NDUFAF8: variants seen among roughly 807,000 people sequenced by gnomAD.
NDUFAF8 encodes NADH:ubiquinone oxidoreductase complex assembly factor 8.
In NDUFAF8, 9 loss-of-function variants were observed where a neutral mutation model predicts 9.9. The ratio of observed to expected loss-of-function variants is 0.91; its 90% confidence interval spans 0.55 to 1.59. The LOEUF (loss-of-function observed/expected upper bound fraction) is 1.59, where lower values mean the gene tolerates loss of function less well. Ranked by LOEUF, NDUFAF8 falls within the 40% of genes most tolerant of loss-of-function variation. The probability of loss-of-function intolerance (pLI) is 0.00; values close to 1 mark genes in which losing one functional copy is unlikely to be tolerated. For synonymous variants in NDUFAF8, 63 were observed against 51.2 expected (o/e 1.23, Z -0.98); for missense variants, 114 against 113.8 (o/e 1.00, Z -0.01).
Position 81,239,669 on chromosome 17 carries a change from C to T in NDUFAF8, c.186C>T (p.Phe62=), listed in dbSNP as rs2062793315. 7 of 1,538,896 alleles carry T rather than the reference C, an allele frequency of 4.5e-6. No homozygotes were observed. Among genetic ancestry groups the T allele is most frequent in the South Asian group, 2.4e-5 (2 of 84,004 alleles). The part of the protein sequence containing the change: ...AREFEALRSC[F]AAAAKKTLEG... ...AGTTCGAGGCCCTGCGGAGCTGCTTCGCCGCTGCGGTAGGTGGGCGCGGGC... is the reference window on the plus strand; with the variant it reads ...AGTTCGAGGCCCTGCGGAGCTGCTTTGCCGCTGCGGTAGGTGGGCGCGGGC... Residue 62 remains phenylalanine, a synonymous_variant, in exon 2 of 3, where the codon TTC becomes TTT. Coordinates refer to ENST00000431388, the MANE Select transcript of NDUFAF8 (RefSeq NM_001086521.2).
In NDUFAF8 at chr17:81,240,886, G is replaced by A. The variant is rs2062811921; in HGVS notation, c.196-101G>A. On this transcript the variant is annotated intron_variant, in intron 2 of 2. Coordinates refer to ENST00000431388, the MANE Select transcript of NDUFAF8 (RefSeq NM_001086521.2). ...CCATATGCCAGCACCCAAGTTCTCT[G>A]TAAGGTATTTGGTAGAACACAACGT... The A allele has an allele frequency of 2.8e-6, 4 of 1,435,720 alleles. No homozygotes were observed. The East Asian group carries it at 7.4e-5, about 27-fold the overall frequency. 88.9% of individuals were successfully genotyped at this position (1,435,720 alleles called of 1,614,324 possible). A position where few individuals can be genotyped will look rare whatever the true frequency, so the allele number is the denominator to read the frequency against.
rs1244625808 is a variant in NDUFAF8, at chr17:81,239,353, A to T, written c.-11A>T. 2.2e-6 allele frequency: 3 copies of T among 1,366,158 alleles called. No individual in the cohort carries two copies. The African/African-American group carries it at 4.6e-5, about 21-fold the overall frequency. 84.6% of individuals were successfully genotyped at this position (1,366,158 alleles called of 1,614,324 possible). A position where few individuals can be genotyped will look rare whatever the true frequency, so the allele number is the denominator to read the frequency against. ...AGATGGCGGCCTCCAGGGGGCTGGGAATAGCCGCTCATGTCGGCTAACGGA... is the reference window on the plus strand; with the variant it reads ...AGATGGCGGCCTCCAGGGGGCTGGGTATAGCCGCTCATGTCGGCTAACGGA... On this transcript the variant is annotated 5_prime_UTR_variant, in exon 1 of 3. Transcript: ENST00000431388.
chr17:81,240,928 C>G (rs1289133119), intron 2 of NDUFAF8, 59 bp from the exon 3 acceptor site: 5 of 1,588,640 alleles, frequency 3.1e-6, no homozygotes, highest in Non-Finnish European at 4.3e-6. Flanking sequence ...TGGTAGCTTG[C>G]TTTTGAGGCG....
intron 2 of NDUFAF8, 97 bp from the exon 3 acceptor site, chr17:81,240,885 TGTAAG>T: frequency 7.0e-7 from 1 of 1,432,376 alleles, no homozygotes; most frequent in East Asian, 2.5e-5. Context: ...CCAAGTTCTC[TGTAAG>T]GTATTTGGTA....
At position 81,239,700 on chromosome 17, in the gene NDUFAF8, C is replaced by T. The variant is rs776121753; in HGVS notation, c.195+22C>T. 29 of 1,529,484 alleles carry T rather than the reference C, an allele frequency of 1.9e-5. No homozygotes were observed. The South Asian group carries it at 2.9e-4, about 15-fold the overall frequency. The allele number at this position is 1,529,484 out of a possible 1,614,324, so 94.7% of individuals were successfully genotyped here. A position where few individuals can be genotyped will look rare whatever the true frequency, so the allele number is the denominator to read the frequency against. On this transcript the variant is annotated intron_variant, in intron 2 of 2. Transcript: ENST00000431388. ...TGCGGTAGGTGGGCGCGGGCCCCTT[C>T]CCCCCTTCCCAGCCCTTCCCCTCCA...
chr17:81,239,376 G>T lies in NDUFAF8; in HGVS notation c.13G>T (p.Gly5Ter). MSAN[G>*]AVWGRVRSRL... ...GGAATAGCCGCTCATGTCGGCTAAC[G>T]GAGCGGTGTGGGGCCGCGTGCGAAG... Residue 5 changes from glycine to a stop codon, truncating the protein, a stop_gained, in exon 1 of 3, where the codon GGA (glycine) becomes TGA (stop). Transcript: ENST00000431388. LOFTEE classifies it high-confidence loss of function. 7.3e-7 allele frequency: 1 copy of T among 1,365,406 alleles called. No individual in the cohort carries two copies. Among genetic ancestry groups the T allele is most frequent in the Non-Finnish European group, 9.4e-7 (1 of 1,058,542 alleles). 84.6% of individuals were successfully genotyped at this position (1,365,406 alleles called of 1,614,324 possible). A position where few individuals can be genotyped will look rare whatever the true frequency, so the allele number is the denominator to read the frequency against.
Position 81,239,691 on chromosome 17 carries a change from G to T in NDUFAF8, c.195+13G>T. 1 of 1,536,018 alleles carries T rather than the reference G, an allele frequency of 6.5e-7. No homozygotes were observed. Reference sequence around the variant, plus strand: ...CTTCGCCGCTGCGGTAGGTGGGCGCGGGCCCCTTCCCCCCTTCCCAGCCCT... The same window carrying T: ...CTTCGCCGCTGCGGTAGGTGGGCGCTGGCCCCTTCCCCCCTTCCCAGCCCT... On this transcript the variant is annotated intron_variant, in intron 2 of 2. Transcript: ENST00000431388.
rs924687877 is a variant in NDUFAF8 at position 81,241,306 on chromosome 17, T to A, written c.*290T>A. The stretch of plus-strand genomic sequence containing the variant: ...AGCCTGGGGCTTACTGTGTGCAGAC[T>A]GCAACATGTGGGTCTTGGCCTCTCT... On this transcript the variant is annotated 3_prime_UTR_variant, in exon 3 of 3. Transcript: ENST00000431388. The A allele has an allele frequency of 1.3e-5, 9 of 709,372 alleles. No homozygotes were observed. In the African/African-American group the frequency reaches 1.3e-4, roughly 10 times the overall value. 43.9% of individuals were successfully genotyped at this position (709,372 alleles called of 1,614,324 possible). A position where few individuals can be genotyped will look rare whatever the true frequency, so the allele number is the denominator to read the frequency against.
chr17:81,239,496 G>C (rs1204045746), intron 1 of NDUFAF8, 49 bp downstream of exon 1: 4 of 1,425,258 alleles, frequency 2.8e-6, no homozygotes, highest in Non-Finnish European at 3.7e-6. Context: ...GGAGCCGCGC[G>C]GGGAGGTGGC....
rs767994583 is a variant in NDUFAF8, at chr17:81,240,973, A to G, written c.196-14A>G. On this transcript the variant is annotated splice_polypyrimidine_tract_variant and intron_variant, in intron 2 of 2. Transcript: ENST00000431388. ...TGGAAGCAAGCCATTCAGACAAAAC[A>G]CTTTATCTTGCAGGCCAAGAAGACG... 26 of 1,612,762 alleles carry G rather than the reference A, an allele frequency of 1.6e-5. No individual in the cohort carries two copies. Among genetic ancestry groups the G allele is most frequent in the East Asian group, 2.2e-5 (1 of 44,880 alleles).
chr17:81,239,655 CT>C lies in NDUFAF8; in HGVS notation c.173del (p.Leu58ArgfsTer47). The stretch of plus-strand genomic sequence containing the variant: ...CTTCTGCGCGCGGGAGTTCGAGGCC[CT>C]GCGGAGCTGCTTCGCCGCTGCGGTA... ...KDFCAREFEA[L>X]RSCFAAAAKK... On this transcript the variant is annotated frameshift_variant, in exon 2 of 3. Transcript: ENST00000431388. LOFTEE classifies it high-confidence loss of function. 1 of 1,539,972 alleles carries C rather than the reference CT, an allele frequency of 6.5e-7. No homozygotes were observed.
At chr17:81,240,806 A>G (rs2062811149) in intron 2 of NDUFAF8, among the ~76,000 whole-genome samples, 181 bp from the exon 3 acceptor site, 2 of 152,192 alleles carry the variant, frequency 1.3e-5, no homozygotes, top group Admixed American at 6.5e-5. Context: ...CCCGTGGACA[A>G]GTGACCCAGA....
chr17:81,240,859 C>A, intron 2 of NDUFAF8, 128 bp from the exon 3 acceptor site: 1 of 1,244,186 alleles, frequency 8.0e-7, no homozygotes, highest in Non-Finnish European at 1.1e-6. Context: ...GTCGAGCCCC[C>A]ACCATATGCC....
At position 81,239,612 on chromosome 17, in the gene NDUFAF8, C is replaced by T. The variant is rs1440735175; in HGVS notation, c.129C>T (p.Gly43=). 3 of 1,539,276 alleles carry T rather than the reference C, an allele frequency of 1.9e-6. No individual in the cohort carries two copies. The highest frequency in any genetic ancestry group is 2.6e-6 in the Non-Finnish European group (3 of 1,146,310). Residue 43 remains glycine, a synonymous_variant, in exon 2 of 3, where the codon GGC becomes GGT. Coordinates refer to ENST00000431388, the MANE Select transcript of NDUFAF8 (RefSeq NM_001086521.2). Reference sequence around the variant, plus strand: ...GCGTGCAGGCCTCCACGGCCCCGGGCGGCCGCCTGAGTAAGGACTTCTGCG... The same window carrying T: ...GCGTGCAGGCCTCCACGGCCCCGGGTGGCCGCCTGAGTAAGGACTTCTGCG... The part of the protein sequence containing the change: ...GRCVQASTAP[G]GRLSKDFCAR...
chr17:81,240,251 C>T (rs1029670443), intron 2 of NDUFAF8: 1 of 156,030 alleles, frequency 6.4e-6, no homozygotes, highest in African/African-American at 2.4e-5. Flanking sequence ...AGTGCTGACT[C>T]TGTTTACTGG....
chr17:81,239,460 G>T lies in NDUFAF8; in HGVS notation c.84+13G>T. ...CTGCGGGGCCGAGGTGAGGAGCCGC[G>T]GGCGGGCCAGTGCTGCGGGGCAGGA... On this transcript the variant is annotated intron_variant, in intron 1 of 2. Transcript: ENST00000431388. 1 of 1,369,930 alleles carries T rather than the reference G, an allele frequency of 7.3e-7. No homozygotes were observed. The highest frequency in any genetic ancestry group is 1.7e-5 in the South Asian group (1 of 58,382). The allele number at this position is 1,369,930 out of a possible 1,614,324, so 84.9% of individuals were successfully genotyped here.
In NDUFAF8 at chr17:81,239,628, G is replaced by C. The variant is rs2062792498; in HGVS notation, c.145G>C (p.Asp49His). 1 of 1,540,354 alleles carries C rather than the reference G, an allele frequency of 6.5e-7. No individual in the cohort carries two copies. The highest frequency in any genetic ancestry group is 1.4e-5 in the African/African-American group (1 of 72,978). ...GGCCCCGGGCGGCCGCCTGAGTAAG[G>C]ACTTCTGCGCGCGGGAGTTCGAGGC... ...STAPGGRLSK[D>H]FCAREFEALR... Residue 49 changes from aspartate to histidine, a missense_variant, in exon 2 of 3, where the codon GAC (aspartate) becomes CAC (histidine). Physicochemically the swap from Asp to His is moderately conservative, Grantham distance 81 (BLOSUM62 -1). Transcript: ENST00000431388.
In NDUFAF8 at chr17:81,239,632, T is replaced by A; in HGVS notation, c.149T>A (p.Phe50Tyr). Residue 50 changes from phenylalanine to tyrosine, a missense_variant, in exon 2 of 3, where the codon TTC (phenylalanine) becomes TAC (tyrosine). Physicochemically the swap from Phe to Tyr is conservative, Grantham distance 22. Transcript: ENST00000431388. ...CCGGGCGGCCGCCTGAGTAAGGACT[T>A]CTGCGCGCGGGAGTTCGAGGCCCTG... is the stretch of plus-strand genomic sequence containing the variant. ...TAPGGRLSKD[F>Y]CAREFEALRS... The A allele has an allele frequency of 1.3e-6, 2 of 1,540,530 alleles. No individual in the cohort carries two copies. The highest frequency in any genetic ancestry group is 1.7e-6 in the Non-Finnish European group (2 of 1,146,536).
chr17:81,239,804 G>C, intron 2 of NDUFAF8, 126 bp downstream of exon 2: 2 of 1,055,880 alleles, frequency 1.9e-6, no homozygotes, highest in Non-Finnish European at 2.7e-6. Flanking sequence ...TTAGACGCCG[G>C]CTGACAAAAT....
Sources: gnomAD v4.1 joint callset for allele counts (sites outside exome capture counted in the v4.1 genomes callset) on GRCh38, gnomAD v4.1.1 for gene constraint, MANE v1.5 for transcripts, NCBI Gene and HGNC (gene_info 2026-07-23, HGNC 2026-07-21) for gene names.